MBOAT1: variants seen among roughly 807,000 people sequenced by gnomAD.
MBOAT1 encodes the protein membrane-bound glycerophospholipid O-acyltransferase 1.
A neutral mutation model predicts 64.4 loss-of-function variants in MBOAT1; 67 were observed. The observed-to-expected ratio is 1.04, with a 90% CI of 0.85 to 1.27. The LOEUF (loss-of-function observed/expected upper bound fraction) is 1.27. MBOAT1 is among the 50% of genes most tolerant of loss of function. MBOAT1 has a pLI of 0.00. For missense variants in MBOAT1, 563 were observed against 604.6 expected (o/e 0.93, Z 0.72); for synonymous variants, 229 against 218.9 (o/e 1.05, Z -0.41).
At chr6:20,206,806 T>C (rs879400480) in intron 1 of MBOAT1, among the ~76,000 whole-genome samples, 5 of 151,934 alleles carry the variant, frequency 3.3e-5, no homozygotes, top group Admixed American at 2.6e-4. Flanking sequence ...CTCAACAGAC[T>C]TTCACCCCCA....
chr6:20,156,902 C>G (rs1429545538), intron 1 of MBOAT1, among the ~76,000 whole-genome samples: 1 of 152,142 alleles, frequency 6.6e-6, no homozygotes, highest in Admixed American at 6.5e-5. Context: ...AGCTTCTGCA[C>G]AGCAAAAGAA....
chr6:20,174,412 T>C (rs1257045403), intron 1 of MBOAT1, among the ~76,000 whole-genome samples: 1 of 152,236 alleles, frequency 6.6e-6, no homozygotes, highest in Non-Finnish European at 1.5e-5. Flanking sequence ...AGCATCTTAC[T>C]ATACTGAACA....
At chr6:20,146,758 G>T (rs1322125461) in intron 3 of MBOAT1, among the ~76,000 whole-genome samples, 1 of 152,166 alleles carries the variant, frequency 6.6e-6, no homozygotes, top group Non-Finnish European at 1.5e-5. Flanking sequence ...CAATTTAGTA[G>T]GACCCCGCCT....
At chr6:20,179,405 A>G (rs972554901) in intron 1 of MBOAT1, among the ~76,000 whole-genome samples, 2 of 152,066 alleles carry the variant, frequency 1.3e-5, no homozygotes, top group African/African-American at 4.8e-5. Flanking sequence ...AAAACATGCA[A>G]TATTTGGTTT....
intron 1 of MBOAT1, among the ~76,000 whole-genome samples, chr6:20,189,325 A>G (rs1762739546): frequency 6.6e-6 from 1 of 152,238 alleles, no homozygotes; most frequent in East Asian, 1.9e-4. Context: ...CAGTCAAGCT[A>G]AGTACCATAT....
intron 3 of MBOAT1, among the ~76,000 whole-genome samples, chr6:20,144,800 C>T (rs1467121462): frequency 6.6e-6 from 1 of 152,130 alleles, no homozygotes; most frequent in Non-Finnish European, 1.5e-5. Flanking sequence ...TGTTTTCTTC[C>T]CACCTCTCTG....
intron 1 of MBOAT1, among the ~76,000 whole-genome samples, chr6:20,175,919 T>G (rs565376903): frequency 6.6e-6 from 1 of 152,290 alleles, no homozygotes; most frequent in East Asian, 1.9e-4. Flanking sequence ...TCAAGTTCTT[T>G]AAAAAATATA....
At chr6:20,131,231 G>A in intron 4 of MBOAT1, 32 bp from the exon 5 acceptor site, 1 of 1,595,460 alleles carries the variant, frequency 6.3e-7, no homozygotes, top group Non-Finnish European at 8.6e-7. Flanking sequence ...ATCAAGATTG[G>A]CAAGAAGGCC....
At chr6:20,203,583 T>G (rs1763180324) in intron 1 of MBOAT1, among the ~76,000 whole-genome samples, 1 of 152,174 alleles carries the variant, frequency 6.6e-6, no homozygotes, top group Non-Finnish European at 1.5e-5. Context: ...GTAAATAAAA[T>G]TCCATTTCAA....
intron 7 of MBOAT1, 109 bp from the exon 8 acceptor site, chr6:20,124,709 T>G (rs1760601971): frequency 1.1e-6 from 1 of 944,636 alleles, no homozygotes; most frequent in Non-Finnish European, 1.6e-6. Context: ...CTGCTTGGCA[T>G]TATTCCCCAG....
intron 1 of MBOAT1, among the ~76,000 whole-genome samples, chr6:20,207,404 T>A (rs1763295580): frequency 6.6e-6 from 1 of 152,182 alleles, no homozygotes; most frequent in Non-Finnish European, 1.5e-5. Flanking sequence ...ACCCTGATAT[T>A]CAAATTCAGC....
chr6:20,140,393 T>A (rs1282010427), intron 4 of MBOAT1, among the ~76,000 whole-genome samples: 1 of 152,236 alleles, frequency 6.6e-6, no homozygotes, highest in Non-Finnish European at 1.5e-5. Context: ...GATGCTCAGA[T>A]AGCTGGTAGA....
In MBOAT1 at chr6:20,131,131, C is replaced by T. The variant is rs2113660129; in HGVS notation, c.475+13G>A. On this transcript the variant is annotated intron_variant, in intron 5 of 12. Transcript: ENST00000324607. ...CTCACTCTGAGAACCAAAAGGAGGG[C>T]TGCTGTTCTTACCATCATGAACCTG... The T allele has an allele frequency of 3.7e-6, 6 of 1,612,118 alleles. No homozygotes were observed. The highest frequency in any genetic ancestry group is 1.3e-5 in the African/African-American group (1 of 74,994).
chr6:20,165,463 C>A (rs942131419), intron 1 of MBOAT1, among the ~76,000 whole-genome samples: 13 of 152,114 alleles, frequency 8.5e-5, no homozygotes, highest in African/African-American at 2.9e-4. Context: ...GAATAGTGGA[C>A]TGGGTGCAAT....
At chr6:20,168,903 G>GGGCACGGT (rs1418411225) in intron 1 of MBOAT1, among the ~76,000 whole-genome samples, 3 of 151,230 alleles carry the variant, frequency 2.0e-5, no homozygotes, top group Non-Finnish European at 3.0e-5. Flanking sequence ...AATATCATCG[G>GGGCACGGT]GGTTTTCCCA....
chr6:20,190,225 C>T (rs552470048), intron 1 of MBOAT1, among the ~76,000 whole-genome samples: 1 of 152,254 alleles, frequency 6.6e-6, no homozygotes, highest in East Asian at 1.9e-4. Flanking sequence ...GATCTCCTGA[C>T]CTCATGATTC....
At chr6:20,191,332 T>C (rs1195448661) in intron 1 of MBOAT1, among the ~76,000 whole-genome samples, 1 of 152,180 alleles carries the variant, frequency 6.6e-6, no homozygotes, top group Non-Finnish European at 1.5e-5. Context: ...TAAACATCTA[T>C]TGTTTACAAT....
At chr6:20,193,069 G>A (rs1762853622) in intron 1 of MBOAT1, among the ~76,000 whole-genome samples, 1 of 136,798 alleles carries the variant, frequency 7.3e-6, no homozygotes, top group South Asian at 2.3e-4. Flanking sequence ...GCAGTGGCGA[G>A]ATCTCGGCTC....
chr6:20,139,845 G>A (rs1012774084), intron 4 of MBOAT1, among the ~76,000 whole-genome samples: 2 of 152,068 alleles, frequency 1.3e-5, no homozygotes, highest in African/African-American at 2.4e-5. Context: ...ATGAGTCACC[G>A]TGCCCAGCCT....
Sources: gnomAD v4.1 joint callset for allele counts (sites outside exome capture counted in the v4.1 genomes callset) on GRCh38, gnomAD v4.1.1 for gene constraint, MANE v1.5 for transcripts, NCBI Gene and HGNC (gene_info 2026-07-23, HGNC 2026-07-21) for gene names.